UBAC2: variants seen among roughly 807,000 people sequenced by gnomAD.
UBAC2 encodes the protein ubiquitin-associated domain-containing protein 2.
In UBAC2, 26 loss-of-function variants were observed where a neutral mutation model predicts 44.0. The observed-to-expected ratio is 0.59, with a 90% confidence interval of 0.43 to 0.82. UBAC2 has a LOEUF of 0.82. Among genes scored for constraint, UBAC2 ranks in the 40% least tolerant of loss-of-function variants. UBAC2 has a pLI of 0.00. For synonymous variants in UBAC2, 155 were observed against 154.3 expected (o/e 1.00, Z -0.04); for missense variants, 329 against 419.4 (o/e 0.78, Z 1.88).
At chr13:99,294,215 A>T (rs2044133477) in intron 4 of UBAC2, among the ~76,000 whole-genome samples, 1 of 152,170 alleles carries the variant, frequency 6.6e-6, no homozygotes, top group Non-Finnish European at 1.5e-5. Context: ...GTAGAGTACT[A>T]ACAGCTTGGG....
At chr13:99,306,438 T>A (rs1015597411) in intron 4 of UBAC2, among the ~76,000 whole-genome samples, 8 of 152,116 alleles carry the variant, frequency 5.3e-5, no homozygotes, top group African/African-American at 1.9e-4. Context: ...TTTCATTTGA[T>A]CCTGATTTCA....
chr13:99,382,924 G>A (rs1014285427), intron 8 of UBAC2, among the ~76,000 whole-genome samples: 1 of 152,164 alleles, frequency 6.6e-6, no homozygotes, highest in African/African-American at 2.4e-5. Context: ...AAGCCAGTGG[G>A]TTGAGGGAGG....
intron 8 of UBAC2, among the ~76,000 whole-genome samples, chr13:99,369,084 C>T (rs1207535473): frequency 6.6e-6 from 1 of 152,022 alleles, no homozygotes; most frequent in Non-Finnish European, 1.5e-5. Context: ...TATATAAATA[C>T]ATACACTGGA....
chr13:99,307,005 T>C (rs1272668956), intron 4 of UBAC2, among the ~76,000 whole-genome samples: 1 of 152,218 alleles, frequency 6.6e-6, no homozygotes, highest in African/African-American at 2.4e-5. Flanking sequence ...TCCTTCATAC[T>C]AAGTTATCCT....
At chr13:99,321,485 AT>A (rs1212198317) in intron 6 of UBAC2, among the ~76,000 whole-genome samples, 2 of 151,868 alleles carry the variant, frequency 1.3e-5, no homozygotes, top group Non-Finnish European at 2.9e-5. Context: ...CTTTTTTTGT[AT>A]TTTTAGTAGA....
rs370735266 is a variant in UBAC2 at position 99,238,492 on chromosome 13, C to T, written c.97C>T (p.Leu33Phe). The T allele has an allele frequency of 2.1e-5, 34 of 1,613,984 alleles. No individual in the cohort carries two copies. The South Asian group carries it at 3.6e-4, about 17-fold the overall frequency. ...TGCCCTCTCCCTCCTGCTCGCCCTCCTCCTGCCTCACTGCCAGAAGCTCTT... is the reference window on the plus strand; with the variant it reads ...TGCCCTCTCCCTCCTGCTCGCCCTCTTCCTGCCTCACTGCCAGAAGCTCTT... ...PSALSLLLAL[L>F]LPHCQKLFVY... is the part of the protein sequence containing the mutation. Residue 33 changes from leucine to phenylalanine, a missense_variant, in exon 2 of 9, where the codon CTC becomes TTC. Leu to Phe is a conservative substitution (Grantham distance 22). Transcript: ENST00000403766.
chr13:99,382,802 G>C (rs1028469403), intron 8 of UBAC2, among the ~76,000 whole-genome samples: 4 of 152,098 alleles, frequency 2.6e-5, no homozygotes, highest in Non-Finnish European at 5.9e-5. Context: ...AAAAGGCAGG[G>C]GCCCCAAGAC....
chr13:99,293,835 T>C (rs865895060), intron 4 of UBAC2, among the ~76,000 whole-genome samples: 7 of 152,284 alleles, frequency 4.6e-5, no homozygotes, highest in South Asian at 4.1e-4. Context: ...CCAATAAAAA[T>C]TTAAAGTGTA....
intron 8 of UBAC2, among the ~76,000 whole-genome samples, chr13:99,375,993 TAGAGACA>T (rs2045475809): frequency 1.4e-5 from 2 of 138,050 alleles, no homozygotes; most frequent in African/African-American, 5.6e-5. Context: ...TTTTTTTTGG[TAGAGACA>T]AGGGTTGCCC....
intron 6 of UBAC2, among the ~76,000 whole-genome samples, chr13:99,329,992 C>G (rs1668011510): frequency 6.6e-6 from 1 of 152,212 alleles, no homozygotes; most frequent in African/African-American, 2.4e-5. Flanking sequence ...TGATAAGTCT[C>G]TACGTTTATT....
chr13:99,266,006 A>C (rs549879786), intron 4 of UBAC2, among the ~76,000 whole-genome samples: 1 of 152,184 alleles, frequency 6.6e-6, no homozygotes, highest in African/African-American at 2.4e-5. Flanking sequence ...CCGGTTTTCC[A>C]TACCGATTGA....
chr13:99,222,437 C>T (rs142551140), intron 1 of UBAC2, among the ~76,000 whole-genome samples: 19 of 152,320 alleles, frequency 1.2e-4, no homozygotes, highest in Non-Finnish European at 2.5e-4. Context: ...CTAATACCTC[C>T]ACTTCCTAAG....
In UBAC2 at chr13:99,256,889, A is replaced by G. The variant is rs74747457; in HGVS notation, c.389+12265A>G. Reference sequence around the variant, plus strand: ...GCATCCCCTTGTAATATGGAGGTGGATGAAAAGTTTCCTTCAAAAATGTCA... The same window carrying G: ...GCATCCCCTTGTAATATGGAGGTGGGTGAAAAGTTTCCTTCAAAAATGTCA... On this transcript the variant is annotated intron_variant, in intron 4 of 8. Coordinates refer to ENST00000403766, the MANE Select transcript of UBAC2 (RefSeq NM_001144072.2). Among the ~76,000 whole-genome samples the G allele has an allele frequency of 9.4e-3, 1,426 of 152,282 alleles. 20 individuals carry two copies. Among genetic ancestry groups the G allele is most frequent in the African/African-American group, 0.032 (1,339 of 41,542 alleles).
intron 6 of UBAC2, among the ~76,000 whole-genome samples, chr13:99,337,030 C>G (rs1270162754): frequency 1.3e-5 from 2 of 151,984 alleles, no homozygotes; most frequent in African/African-American, 4.8e-5. Context: ...TTTCCTGTCT[C>G]GTTTTACTGC....
intron 2 of UBAC2, 45 bp downstream of exon 2, chr13:99,238,599 T>C: frequency 6.9e-7 from 1 of 1,449,878 alleles, no homozygotes. Flanking sequence ...CGGACAGTTT[T>C]TTTTTTTTCT....
intron 6 of UBAC2, among the ~76,000 whole-genome samples, chr13:99,329,798 C>T (rs1218643846): frequency 6.6e-6 from 1 of 152,222 alleles, no homozygotes; most frequent in Non-Finnish European, 1.5e-5. Flanking sequence ...TGACTGACTA[C>T]AGCCTCATGA....
Position 99,295,051 on chromosome 13 carries a change from C to T in UBAC2, c.390-19046C>T, listed in dbSNP as rs1463792498. 2 of 1,609,628 alleles carry T rather than the reference C, an allele frequency of 1.2e-6. No individual in the cohort carries two copies. The highest frequency in any genetic ancestry group is 1.7e-6 in the Non-Finnish European group (2 of 1,177,764). The stretch of plus-strand genomic sequence containing the variant: ...GTTTACGTCACTATAAACCAAAATA[C>T]AATCCATTTCACTTTCCATTTGAAG... On this transcript the variant is annotated intron_variant, in intron 4 of 8. Coordinates refer to ENST00000403766, the MANE Select transcript of UBAC2 (RefSeq NM_001144072.2). The surrounding 1 kb of genome is among the most constrained non-coding windows in gnomAD (Gnocchi z 4.1).
At chr13:99,227,610 C>G (rs550374006) in intron 1 of UBAC2, among the ~76,000 whole-genome samples, 1 of 152,254 alleles carries the variant, frequency 6.6e-6, no homozygotes, top group Admixed American at 6.5e-5. Flanking sequence ...TTTATTTTCC[C>G]TAGTTCATTT....
intron 1 of UBAC2, chr13:99,231,406 A>ATTTTTTTTTTTTTTTTTTTTTTTTTT (rs34600991): frequency 1.4e-5 from 1 of 71,956 alleles, no homozygotes; most frequent in Non-Finnish European, 2.5e-5. Flanking sequence ...TGCTGTATAC[A>ATTTTTTTTTTTTTTTTTTTTTTTTTT]TTTTTTTTTT....
Sources: gnomAD v4.1 joint callset for allele counts (sites outside exome capture counted in the v4.1 genomes callset) on GRCh38, gnomAD v4.1.1 for gene constraint, Gnocchi (gnomAD v3.1) non-coding constraint, MANE v1.5 for transcripts, NCBI Gene and HGNC (gene_info 2026-07-23, HGNC 2026-07-21) for gene names.